DNAJC3: variants seen among roughly 807,000 people sequenced by gnomAD.
The protein encoded by DNAJC3 is dnaJ homolog subfamily C member 3.
DNAJC3 carries 38 observed loss-of-function variants against 68.6 expected under a neutral mutation model. The observed-to-expected ratio is 0.55, with a 90% CI of 0.43 to 0.73. The LOEUF is 0.73. Ranked by LOEUF, DNAJC3 falls within the 30% of genes least tolerant of loss-of-function variation. The pLI is 0.00. For synonymous variants in DNAJC3, 203 were observed against 204.0 expected (o/e 1.00, Z 0.04); for missense variants, 526 against 591.9 (o/e 0.89, Z 1.16).
intron 9 of DNAJC3, among the ~76,000 whole-genome samples, chr13:95,767,935 C>G (rs1009643630): frequency 6.6e-6 from 1 of 151,742 alleles, no homozygotes; most frequent in East Asian, 1.9e-4. Flanking sequence ...GAACTCCTGA[C>G]CTCATGCGAT....
In DNAJC3 at chr13:95,781,012, G is replaced by A. The variant is rs184028664; in HGVS notation, c.1076-4927G>A. ...GCTGGTCTGTGCTGGGGAGCTCAGG[G>A]CAGGCTGTAAGTAAATAGGACCTGT... On this transcript the variant is annotated intron_variant, in intron 9 of 11. Coordinates refer to ENST00000602402, the MANE Select transcript of DNAJC3 (RefSeq NM_006260.5). Among the ~76,000 whole-genome samples, 118 of 152,224 alleles carry A rather than the reference G, an allele frequency of 7.8e-4. 1 individual carries two copies. The East Asian group carries it at 0.019, about 25-fold the overall frequency.
In DNAJC3 at chr13:95,793,598, G is replaced by A. The variant is rs1285163281; in HGVS notation, c.*2568G>A. On this transcript the variant is annotated 3_prime_UTR_variant, in exon 12 of 12. Coordinates refer to ENST00000602402, the MANE Select transcript of DNAJC3 (RefSeq NM_006260.5). ...TCCTGCCTCAGCCTCCAAGTAGCTG[G>A]GACTATAGGCACGCACCACCATGCC... 2 of 151,006 alleles carry A rather than the reference G, an allele frequency of 1.3e-5. No homozygotes were observed. The highest frequency in any genetic ancestry group is 2.5e-5 in the African/African-American group (1 of 40,774). 9.4% of individuals were successfully genotyped at this position (151,006 alleles called of 1,614,324 possible). A position where few individuals can be genotyped will look rare whatever the true frequency, so the allele number is the denominator to read the frequency against.
chr13:95,709,599 C>T (rs1485020470), intron 2 of DNAJC3, among the ~76,000 whole-genome samples: 1 of 145,256 alleles, frequency 6.9e-6, no homozygotes, highest in African/African-American at 2.6e-5. Flanking sequence ...TGACAAACAG[C>T]TTTTCTCAGT....
At chr13:95,706,183 G>A (rs1489740600) in intron 1 of DNAJC3, among the ~76,000 whole-genome samples, 1 of 152,186 alleles carries the variant, frequency 6.6e-6, no homozygotes, top group Non-Finnish European at 1.5e-5. Context: ...GGGTCAGATA[G>A]TAAATATTTT....
At position 95,742,891 on chromosome 13, in the gene DNAJC3, T is replaced by C. The variant is rs528953927; in HGVS notation, c.394-14753T>C. ...GATCTAAAACTTTTCTCATATCTTC[T>C]AAAAGTTTTATGGTTTTGTGTTTTA... On this transcript the variant is annotated intron_variant, in intron 4 of 11. Coordinates refer to ENST00000602402, the MANE Select transcript of DNAJC3 (RefSeq NM_006260.5). 5 of 497,286 alleles carry C rather than the reference T, an allele frequency of 1.0e-5. No homozygotes were observed. In the Middle Eastern group the frequency reaches 9.9e-4, roughly 98 times the overall value. 30.8% of individuals were successfully genotyped at this position (497,286 alleles called of 1,614,324 possible).
intron 4 of DNAJC3, among the ~76,000 whole-genome samples, chr13:95,731,006 T>C (rs532612894): frequency 6.6e-6 from 1 of 152,324 alleles, no homozygotes; most frequent in South Asian, 2.1e-4. Context: ...GTTTTCTTTG[T>C]AGAAGTCTTC....
At chr13:95,709,389 A>G in intron 2 of DNAJC3, 52 bp downstream of exon 2, 1 of 1,236,904 alleles carries the variant, frequency 8.1e-7, no homozygotes, top group Non-Finnish European at 1.1e-6. Context: ...GAATTCTAGT[A>G]ATAGCTCTTT....
chr13:95,760,165 G>T lies in DNAJC3; in HGVS notation c.672G>T (p.Ala224=). ...AGTTGAAGAATGATAATACTGAAGC[G>T]TTTTATAAAATAAGCACACTGTACT... is the stretch of plus-strand genomic sequence containing the variant. The part of the protein sequence containing the change: ...ASKLKNDNTE[A]FYKISTLYYQ... The change falls in exon 6 of 12, where the codon GCG becomes GCT. Residue 224 remains alanine (A), a synonymous_variant. Transcript: ENST00000602402. The T allele has an allele frequency of 1.2e-6, 2 of 1,611,890 alleles. No individual in the cohort carries two copies. Among genetic ancestry groups the T allele is most frequent in the Non-Finnish European group, 1.7e-6 (2 of 1,178,734 alleles).
intron 7 of DNAJC3, 92 bp downstream of exon 7, chr13:95,760,890 G>GC (rs1882802033): frequency 2.4e-5 from 36 of 1,488,232 alleles, no homozygotes; most frequent in Non-Finnish European, 3.0e-5. Context: ...TTACTTCTCA[G>GC]CCATTGAGGG....
intron 9 of DNAJC3, among the ~76,000 whole-genome samples, chr13:95,781,441 C>G (rs1213489660): frequency 3.9e-5 from 6 of 152,118 alleles, no homozygotes; most frequent in Admixed American, 2.0e-4. Context: ...GTTCTCTCTA[C>G]TTAGGTTTAT....
At chr13:95,749,008 C>T (rs1210424965) in intron 4 of DNAJC3, among the ~76,000 whole-genome samples, 4 of 152,178 alleles carry the variant, frequency 2.6e-5, no homozygotes, top group African/African-American at 9.7e-5. Flanking sequence ...TACTGGATCA[C>T]ATACTGTAAT....
At chr13:95,700,117 C>T (rs1357352010) in intron 1 of DNAJC3, among the ~76,000 whole-genome samples, 1 of 152,006 alleles carries the variant, frequency 6.6e-6, no homozygotes, top group Non-Finnish European at 1.5e-5. Context: ...AACTGGCCTA[C>T]TTTTATTGTT....
At chr13:95,761,631 T>G (rs1882823185) in intron 7 of DNAJC3, among the ~76,000 whole-genome samples, 1 of 152,228 alleles carries the variant, frequency 6.6e-6, no homozygotes, top group Admixed American at 6.5e-5. Context: ...CATGTTGCCC[T>G]TATAGCCACA....
At chr13:95,784,399 G>A (rs1015098614) in intron 9 of DNAJC3, among the ~76,000 whole-genome samples, 22 of 152,142 alleles carry the variant, frequency 1.4e-4, no homozygotes, top group African/African-American at 5.1e-4. Context: ...GAGGAAACCA[G>A]GCAGAAGATT....
rs952710193 is a variant in DNAJC3 at position 95,773,945 on chromosome 13, C to G, written c.1075+9992C>G. On this transcript the variant is annotated intron_variant, in intron 9 of 11. Coordinates refer to ENST00000602402, the MANE Select transcript of DNAJC3 (RefSeq NM_006260.5). ...AGAGACGGGGTTTCACCATGTTGGCCAGGATGGTCTCGATCTCCTGACCTC... is the reference window on the plus strand; with the variant it reads ...AGAGACGGGGTTTCACCATGTTGGCGAGGATGGTCTCGATCTCCTGACCTC... Among the ~76,000 whole-genome samples the G allele has an allele frequency of 2.0e-4, 31 of 151,930 alleles. 1 individual carries two copies. The South Asian group carries it at 2.3e-3, about 11-fold the overall frequency.
intron 5 of DNAJC3, among the ~76,000 whole-genome samples, chr13:95,759,324 TG>T (rs1259029419): frequency 6.6e-6 from 1 of 152,204 alleles, no homozygotes; most frequent in African/African-American, 2.4e-5. Flanking sequence ...AAAAGGTTTT[TG>T]TTTAGAGACT....
At chr13:95,684,264 T>TA (rs1361203209) in intron 1 of DNAJC3, among the ~76,000 whole-genome samples, 1 of 152,020 alleles carries the variant, frequency 6.6e-6, no homozygotes, top group Middle Eastern at 3.2e-3. Flanking sequence ...GGAACTGGAG[T>TA]AAAGGCCACT....
intron 4 of DNAJC3, among the ~76,000 whole-genome samples, chr13:95,753,657 T>G (rs1882559088): frequency 6.6e-6 from 1 of 152,196 alleles, no homozygotes; most frequent in Non-Finnish European, 1.5e-5. Context: ...TCTAGGACCT[T>G]AATCACTGTA....
At chr13:95,775,310 T>C (rs1407388405) in intron 9 of DNAJC3, among the ~76,000 whole-genome samples, 2 of 152,240 alleles carry the variant, frequency 1.3e-5, no homozygotes, top group Admixed American at 6.5e-5. Flanking sequence ...AATTAAAATA[T>C]GTCTTCCTCT....
Sources: gnomAD v4.1 joint callset for allele counts (sites outside exome capture counted in the v4.1 genomes callset) on GRCh38, gnomAD v4.1.1 for gene constraint, MANE v1.5 for transcripts, NCBI Gene and HGNC (gene_info 2026-07-23, HGNC 2026-07-21) for gene names.